Variants in MTPAP observed in about 807,000 individuals in gnomAD.
MTPAP encodes mitochondrial poly(A) polymerase, also known as poly(A) RNA polymerase, mitochondrial.
A neutral mutation model predicts 48.7 loss-of-function variants in MTPAP; 23 were observed. The ratio of observed to expected loss-of-function variants is 0.47; its 90% confidence interval spans 0.34 to 0.67. The LOEUF (loss-of-function observed/expected upper bound fraction) is 0.67. Ranked by LOEUF, MTPAP falls within the 30% of genes least tolerant of loss-of-function variation. MTPAP has a pLI of 0.01. For synonymous variants in MTPAP, 257 were observed against 254.1 expected (o/e 1.01, Z -0.11); for missense variants, 614 against 694.3 (o/e 0.88, Z 1.30).
chr10:30,316,457 G>C (rs979321622), intron 6 of MTPAP, among the ~76,000 whole-genome samples: 4 of 150,364 alleles, frequency 2.7e-5, no homozygotes, highest in Non-Finnish European at 4.4e-5. Flanking sequence ...TGGCCAGGCT[G>C]GTCTCGAACT....
intron 4 of MTPAP, among the ~76,000 whole-genome samples, chr10:30,332,549 C>T (rs558982095): frequency 2.0e-5 from 3 of 152,180 alleles, no homozygotes; most frequent in Non-Finnish European, 4.4e-5. Flanking sequence ...CCGACTTGGC[C>T]TCCCAAAGTG....
intron 5 of MTPAP, among the ~76,000 whole-genome samples, chr10:30,324,483 G>A (rs1441939529): frequency 6.6e-6 from 1 of 152,074 alleles, no homozygotes; most frequent in African/African-American, 2.4e-5. Flanking sequence ...GGGCCCAAGA[G>A]TTCGAGGCTA....
At chr10:30,314,884 C>CAAAAAACAAAA (rs1840641331) in intron 8 of MTPAP, among the ~76,000 whole-genome samples, 2 of 110,746 alleles carry the variant, frequency 1.8e-5, no homozygotes, top group Admixed American at 2.1e-4. Context: ...AAAACAAAAA[C>CAAAAAACAAAA]AAAAAAAAAA....
Position 30,313,685 on chromosome 10 carries a change from A to G in MTPAP, c.1673T>C (p.Leu558Pro), listed in dbSNP as rs761755004. The G allele has an allele frequency of 1.2e-6, 2 of 1,614,190 alleles. No homozygotes were observed. The highest frequency in any genetic ancestry group is 1.7e-6 in the Non-Finnish European group (2 of 1,179,994). Residue 558 changes from leucine to proline, a missense_variant, in exon 9 of 9, where the codon CTA (leucine) becomes CCA (proline). By Grantham distance (98) the Leu-to-Pro change is moderately conservative. Around this residue, in one of 5 missense-constraint regions of MTPAP, gnomAD observed 109 missense variants for 100.5 expected, o/e 1.08. Transcript: ENST00000263063. ...KFAIETVKNLLESLKGNRTEN... is the reference protein window; with the variant it reads ...KFAIETVKNLPESLKGNRTEN... Reference sequence around the variant, plus strand: ...TGTTCTGTTACCTTTTAAAGATTCTAGCAAGTTTTTGACTGTTTCAATTGC... The same window carrying G: ...TGTTCTGTTACCTTTTAAAGATTCTGGCAAGTTTTTGACTGTTTCAATTGC...
Position 30,313,516 on chromosome 10 carries a change from TGA to T in MTPAP, c.*91_*92del. 3.3e-6 allele frequency: 5 copies of T among 1,518,082 alleles called. 1 individual carries two copies. The South Asian group carries it at 5.7e-5, about 17-fold the overall frequency. The allele number at this position is 1,518,082 out of a possible 1,614,324, so 94.0% of individuals were successfully genotyped here. On this transcript the variant is annotated 3_prime_UTR_variant, in exon 9 of 9. Coordinates refer to ENST00000263063, the MANE Select transcript of MTPAP (RefSeq NM_018109.4). ...ATGAAAAGTGACATCAGATGAAAGC[TGA>T]GATCTGTGAAAGTTTCAAATCAGTT...
At chr10:30,342,272 G>A (rs1321678027) in intron 1 of MTPAP, among the ~76,000 whole-genome samples, 3 of 152,060 alleles carry the variant, frequency 2.0e-5, no homozygotes, top group African/African-American at 7.2e-5. Context: ...AACTAATAAT[G>A]AAATAGAACA....
chr10:30,318,865 C>T (rs907453417), intron 6 of MTPAP, among the ~76,000 whole-genome samples: 1 of 152,118 alleles, frequency 6.6e-6, no homozygotes, highest in Admixed American at 6.6e-5. Flanking sequence ...AATGCTGAGG[C>T]AGGCACATAA....
At chr10:30,341,128 C>T (rs1248194136) in intron 2 of MTPAP, among the ~76,000 whole-genome samples, 1 of 151,786 alleles carries the variant, frequency 6.6e-6, no homozygotes, top group Non-Finnish European at 1.5e-5. Flanking sequence ...AGAAGGATCA[C>T]CCGAGCCTAG....
intron 4 of MTPAP, among the ~76,000 whole-genome samples, chr10:30,328,027 TA>T (rs1834619969): frequency 6.6e-6 from 1 of 152,048 alleles, no homozygotes; most frequent in Non-Finnish European, 1.5e-5. Flanking sequence ...CATAAAAAAT[TA>T]AAACCACCTT....
rs1374148441 is a variant in MTPAP, at chr10:30,332,994, G to A, written c.780+3809C>T. On this transcript the variant is annotated intron_variant, in intron 4 of 8. Coordinates refer to ENST00000263063, the MANE Select transcript of MTPAP (RefSeq NM_018109.4). Reference sequence around the variant, plus strand: ...AAATTAGCTGGGCGTGGTGGCGGGCGCCTGTAGTCCCAGCTACTCGGGAGG... The same window carrying A: ...AAATTAGCTGGGCGTGGTGGCGGGCACCTGTAGTCCCAGCTACTCGGGAGG... Among the ~76,000 whole-genome samples, 18 of 151,462 alleles carry A rather than the reference G, an allele frequency of 1.2e-4. 1 individual carries two copies. The highest frequency in any genetic ancestry group is 6.6e-4 in the Admixed American group (10 of 15,220).
Position 30,326,426 on chromosome 10 carries a change from A to G in MTPAP, c.990T>C (p.Asn330=), listed in dbSNP as rs149970139. The change falls in exon 5 of 9, where the codon AAT becomes AAC. Residue 330 remains asparagine (N), a splice_region_variant and synonymous_variant. Coordinates refer to ENST00000263063, the MANE Select transcript of MTPAP (RefSeq NM_018109.4). ...SGFQCDLTTN[N]RIALTSSELL... ...ATAATAAATGTAAGCGGTCATACCT[A>G]TTGTTCGTAGTCAAATCACACTGAA... 1.4e-5 allele frequency: 22 copies of G among 1,612,600 alleles called. No individual in the cohort carries two copies. The highest frequency in any genetic ancestry group is 1.7e-5 in the Non-Finnish European group (20 of 1,178,700).
chr10:30,316,236 A>C (rs1452335726), intron 6 of MTPAP, 26 bp from the exon 7 acceptor site: 36 of 1,517,526 alleles, frequency 2.4e-5, no homozygotes, highest in Middle Eastern at 2.0e-4. Context: ...AAAATATTTC[A>C]CGTGTTTTTT....
At chr10:30,327,333 CAAAAAAAAAAA>C (rs34178588) in intron 4 of MTPAP, among the ~76,000 whole-genome samples, 1 of 127,250 alleles carries the variant, frequency 7.9e-6, no homozygotes, top group African/African-American at 2.9e-5. Flanking sequence ...TTTAAAAATA[CAAAAAAAAAAA>C]AAAAATTAGC....
chr10:30,337,167 G>A (rs888260199), intron 3 of MTPAP, 140 bp from the exon 4 acceptor site: 10 of 788,796 alleles, frequency 1.3e-5, no homozygotes, highest in African/African-American at 8.6e-5. Context: ...GCTCACGCCT[G>A]TAATCCCAAC....
intron 3 of MTPAP, 52 bp from the exon 4 acceptor site, chr10:30,337,079 A>G (rs776863942): frequency 7.0e-7 from 1 of 1,433,478 alleles, no homozygotes; most frequent in African/African-American, 1.4e-5. Flanking sequence ...CAGGTCGCAT[A>G]AAAAGTTACC....
At chr10:30,328,530 C>T (rs1156547421) in intron 4 of MTPAP, among the ~76,000 whole-genome samples, 1 of 152,204 alleles carries the variant, frequency 6.6e-6, no homozygotes, top group Admixed American at 6.5e-5. Context: ...CTTTTGGGAG[C>T]TGTATCTAGT....
At chr10:30,347,555 A>G (rs564139466) in intron 1 of MTPAP, among the ~76,000 whole-genome samples, 2 of 152,264 alleles carry the variant, frequency 1.3e-5, no homozygotes, top group African/African-American at 4.8e-5. Context: ...AAAGAAAAAT[A>G]GCAAAGCTAC....
chr10:30,347,239 T>C (rs1834884109), intron 1 of MTPAP, among the ~76,000 whole-genome samples: 1 of 152,186 alleles, frequency 6.6e-6, no homozygotes, highest in South Asian at 2.1e-4. Context: ...AGATTTTAGC[T>C]CACTATAAAT....
intron 6 of MTPAP, among the ~76,000 whole-genome samples, chr10:30,316,970 GAAT>G (rs1840670508): frequency 6.6e-6 from 1 of 152,074 alleles, no homozygotes; most frequent in Non-Finnish European, 1.5e-5. Flanking sequence ...ATAAATGATT[GAAT>G]AATTATGACT....
Sources: allele counts gnomAD v4.1 joint callset (sites outside exome capture counted in the v4.1 genomes callset), GRCh38; gene constraint gnomAD v4.1.1; regional missense constraint gnomAD v4.1.1; transcripts MANE v1.5; gene names NCBI Gene and HGNC (gene_info 2026-07-23, HGNC 2026-07-21).